The following FYTTD1 variants were observed in gnomAD, a reference collection of about 807,000 sequenced individuals.
The protein encoded by FYTTD1 is forty-two-three domain containing 1, also known as UAP56-interacting factor.
FYTTD1 carries 22 observed loss-of-function variants against 40.9 expected under a neutral mutation model. The observed-to-expected ratio is 0.54, with a 90% CI of 0.38 to 0.77. FYTTD1 has a LOEUF of 0.77. Ranked by LOEUF, FYTTD1 falls within the 30% of genes least tolerant of loss-of-function variation. The pLI, the probability that FYTTD1 is intolerant of heterozygous loss-of-function variation, is 0.00. For synonymous variants in FYTTD1, 140 were observed against 137.9 expected (o/e 1.01, Z -0.10); for missense variants, 351 against 392.2 (o/e 0.90, Z 0.89).
At chr3:197,776,873 A>G (rs759300973) in intron 6 of FYTTD1, 54 bp from the exon 7 acceptor site, 1 of 1,171,162 alleles carries the variant, frequency 8.5e-7, no homozygotes, top group Non-Finnish European at 1.3e-6. Context: ...TTGAATATAC[A>G]TAGGGTTTAT....
At chr3:197,755,202 A>G (rs1729177399) in intron 1 of FYTTD1, among the ~76,000 whole-genome samples, 2 of 152,064 alleles carry the variant, frequency 1.3e-5, no homozygotes, top group Admixed American at 6.5e-5. Context: ...TTTGTACTAT[A>G]CCTTTATTAT....
chr3:197,765,199 A>G (rs1433382118), intron 2 of FYTTD1, among the ~76,000 whole-genome samples: 1 of 152,068 alleles, frequency 6.6e-6, no homozygotes, highest in Non-Finnish European at 1.5e-5. Context: ...ATTCCTATTT[A>G]TGAGAGTTTC....
At position 197,770,122 on chromosome 3, in the gene FYTTD1, C is replaced by T. The variant is rs1269655374; in HGVS notation, c.385-10C>T. 3 of 1,511,288 alleles carry T rather than the reference C, an allele frequency of 2.0e-6. No homozygotes were observed. Among genetic ancestry groups the T allele is most frequent in the African/African-American group, 1.4e-5 (1 of 72,296 alleles). The allele number at this position is 1,511,288 out of a possible 1,614,324, so 93.6% of individuals were successfully genotyped here. A position where few individuals can be genotyped will look rare whatever the true frequency, so the allele number is the denominator to read the frequency against. Reference sequence around the variant, plus strand: ...CAATTTGATTAACATAATTTCTTGCCTTCTGATAGAATATAGAACAATATT... The same window carrying T: ...CAATTTGATTAACATAATTTCTTGCTTTCTGATAGAATATAGAACAATATT... On this transcript the variant is annotated splice_polypyrimidine_tract_variant and intron_variant, in intron 3 of 8. Transcript: ENST00000241502.
intron 2 of FYTTD1, 139 bp downstream of exon 2, chr3:197,756,696 T>G (rs1424351035): frequency 1.3e-6 from 1 of 791,294 alleles, no homozygotes; most frequent in East Asian, 2.6e-5. Flanking sequence ...GGTTTTTGTT[T>G]AGATCTAAAA....
rs1314621011 is a variant in FYTTD1, at chr3:197,768,453, A to G, written c.250A>G (p.Ser84Gly). 6.2e-7 allele frequency: 1 copy of G among 1,610,624 alleles called. No homozygotes were observed. The highest frequency in any genetic ancestry group is 8.5e-7 in the Non-Finnish European group (1 of 1,177,586). ...CCCTCCTATAGGTTTTGGTAAGACT[A>G]GTCTGAATCGTAGAGGAAGAGTAAT... is the stretch of plus-strand genomic sequence containing the variant. ...IQQNSGFGKT[S>G]LNRRGRVMPG... Residue 84 changes from serine to glycine, a missense_variant, in exon 3 of 9, where the codon AGT becomes GGT. Physicochemically the swap from Ser to Gly is moderately conservative, Grantham distance 56. Transcript: ENST00000241502.
At chr3:197,752,282 A>G (rs1459676272) in intron 1 of FYTTD1, among the ~76,000 whole-genome samples, 1 of 152,238 alleles carries the variant, frequency 6.6e-6, no homozygotes, top group South Asian at 2.1e-4. Context: ...TGCCTCTGCC[A>G]CTTTGTAACC....
Position 197,764,696 on chromosome 3 carries a change from G to A in FYTTD1, c.236-3743G>A, listed in dbSNP as rs546915243. ...TACACTCCAGCCCGGGTGACAGAGC[G>A]AGAGTCCGTCCCAAAAAAAAAAAAA... On this transcript the variant is annotated intron_variant, in intron 2 of 8. Transcript: ENST00000241502. 9.2e-5 allele frequency among the ~76,000 whole-genome samples: 9 copies of A among 98,040 alleles called. 1 individual carries two copies. In the South Asian group the frequency reaches 4.1e-3, roughly 44 times the overall value. 64.3% of individuals were successfully genotyped at this position (98,040 alleles called of 152,430 possible).
Position 197,782,109 on chromosome 3 carries a change from T to C in FYTTD1, c.*200T>C, listed in dbSNP as rs1051590854. ...GAAAGAATAATAGGGATTATACCTGTCTGTTCTTAAAGATTTCATGGTTGG... is the reference window on the plus strand; with the variant it reads ...GAAAGAATAATAGGGATTATACCTGCCTGTTCTTAAAGATTTCATGGTTGG... On this transcript the variant is annotated 3_prime_UTR_variant, in exon 9 of 9. Coordinates refer to ENST00000241502, the MANE Select transcript of FYTTD1 (RefSeq NM_032288.7). 4.1e-5 allele frequency: 15 copies of C among 366,002 alleles called. No individual in the cohort carries two copies. Among genetic ancestry groups the C allele is most frequent in the Non-Finnish European group, 5.9e-5 (12 of 201,808 alleles). 22.7% of individuals were successfully genotyped at this position (366,002 alleles called of 1,614,324 possible).
At chr3:197,761,472 A>G (rs1490537013) in intron 2 of FYTTD1, among the ~76,000 whole-genome samples, 2 of 151,410 alleles carry the variant, frequency 1.3e-5, no homozygotes, top group East Asian at 2.0e-4. Flanking sequence ...GGTAGAATGT[A>G]TAAAGTGTTC....
In FYTTD1 at chr3:197,756,571, G is replaced by A; in HGVS notation, c.235+14G>A. 1 of 1,611,150 alleles carries A rather than the reference G, an allele frequency of 6.2e-7. No homozygotes were observed. ...AACAGAATTCTGGTAAGTTTTGAAA[G>A]TAAGCTTTAATGGAAAGCTGTTATT... On this transcript the variant is annotated intron_variant, in intron 2 of 8. Transcript: ENST00000241502.
At chr3:197,778,901 C>T (rs1729948226) in intron 8 of FYTTD1, among the ~76,000 whole-genome samples, 1 of 152,120 alleles carries the variant, frequency 6.6e-6, no homozygotes, top group Non-Finnish European at 1.5e-5. Context: ...CTGGTAAATA[C>T]CTAGGAGTAG....
At chr3:197,763,400 T>G in intron 2 of FYTTD1, 1 of 322,488 alleles carries the variant, frequency 3.1e-6, no homozygotes, top group Non-Finnish European at 6.0e-6. Flanking sequence ...GGCGACAGAG[T>G]GAGACTCTTG....
intron 8 of FYTTD1, among the ~76,000 whole-genome samples, chr3:197,780,637 G>T (rs1001944901): frequency 1.3e-5 from 2 of 151,890 alleles, no homozygotes; most frequent in Non-Finnish European, 2.9e-5. Flanking sequence ...CTGCCTCCTG[G>T]GTTCAAGCAA....
chr3:197,752,204 C>T (rs1729080069), intron 1 of FYTTD1, among the ~76,000 whole-genome samples: 2 of 152,208 alleles, frequency 1.3e-5, no homozygotes, highest in Admixed American at 1.3e-4. Flanking sequence ...CATGATAAGT[C>T]TGTGAGGGTT....
At chr3:197,768,645 T>A in intron 3 of FYTTD1, 58 bp downstream of exon 3, 2 of 1,438,300 alleles carry the variant, frequency 1.4e-6, no homozygotes, top group Non-Finnish European at 1.9e-6. Flanking sequence ...GTACTAACAT[T>A]TCTGTGAATA....
At chr3:197,764,752 GA>G (rs373846539) in intron 2 of FYTTD1, among the ~76,000 whole-genome samples, 5,344 of 139,266 alleles carry the variant, frequency 0.038, 353 homozygotes, top group African/African-American at 0.13. Flanking sequence ...TTGGATAAGA[GA>G]AAAAAAAAAC....
At chr3:197,768,015 T>C (rs1729601690) in intron 2 of FYTTD1, among the ~76,000 whole-genome samples, 1 of 152,258 alleles carries the variant, frequency 6.6e-6, no homozygotes, top group African/African-American at 2.4e-5. Flanking sequence ...CCAATATCTT[T>C]AAAATATTTC....
At chr3:197,766,784 A>G (rs1729563637) in intron 2 of FYTTD1, among the ~76,000 whole-genome samples, 1 of 152,074 alleles carries the variant, frequency 6.6e-6, no homozygotes, top group Admixed American at 6.6e-5. Context: ...TAGTATGTAG[A>G]GTTGTGTAGT....
intron 1 of FYTTD1, among the ~76,000 whole-genome samples, chr3:197,753,605 G>A (rs539858059): frequency 6.6e-6 from 1 of 150,882 alleles, no homozygotes; most frequent in South Asian, 2.1e-4. Flanking sequence ...TTTTTAGATT[G>A]AAAGAATCCT....
Sources: gnomAD v4.1 joint callset for allele counts (sites outside exome capture counted in the v4.1 genomes callset) on GRCh38, gnomAD v4.1.1 for gene constraint, MANE v1.5 for transcripts, NCBI Gene and HGNC (gene_info 2026-07-23, HGNC 2026-07-21) for gene names.